The following STOX2 variants were observed in gnomAD, a reference collection of about 807,000 sequenced individuals.
STOX2 encodes the protein storkhead-box protein 2.
Under a neutral mutation model 60.9 loss-of-function variants are expected in STOX2, and 28 were observed. The ratio of observed to expected loss-of-function variants is 0.46; its 90% CI spans 0.34 to 0.63. STOX2 has a LOEUF of 0.63. Among genes scored for constraint, STOX2 ranks in the 30% least tolerant of loss-of-function variants. STOX2 has a pLI of 0.01. For missense variants in STOX2, 1,024 were observed against 1,187.7 expected (o/e 0.86, Z 2.03); for synonymous variants, 472 against 463.9 (o/e 1.02, Z -0.22).
chr4:183,973,713 A>AG, intron 1 of STOX2, among the ~76,000 whole-genome samples: 1 of 152,354 alleles, frequency 6.6e-6, no homozygotes, highest in Admixed American at 6.5e-5. Flanking sequence ...TATGTATAAT[A>AG]GGCCGGGCGC....
At chr4:183,968,334 G>A (rs1484935192) in intron 1 of STOX2, among the ~76,000 whole-genome samples, 9 of 123,084 alleles carry the variant, frequency 7.3e-5, no homozygotes, top group African/African-American at 2.0e-4. Context: ...ATGCACACAT[G>A]CATATACCTA....
intron 1 of STOX2, among the ~76,000 whole-genome samples, chr4:183,800,444 A>T (rs900491228): frequency 2.6e-5 from 4 of 152,214 alleles, no homozygotes; most frequent in Non-Finnish European, 4.4e-5. Context: ...GCTATCTTTG[A>T]TACTTTATTA....
At chr4:183,947,539 CT>C in intron 1 of STOX2, among the ~76,000 whole-genome samples, 1 of 152,324 alleles carries the variant, frequency 6.6e-6, no homozygotes, top group Non-Finnish European at 1.5e-5. Flanking sequence ...CTTTGTGCTT[CT>C]GTTTCCCTAG....
intron 1 of STOX2, among the ~76,000 whole-genome samples, chr4:183,802,693 C>T (rs1186277578): frequency 1.3e-5 from 2 of 151,930 alleles, no homozygotes; most frequent in African/African-American, 2.4e-5. Context: ...GCAAGCTCCG[C>T]CTCCCGGGTT....
At chr4:183,993,621 A>G (rs1436744555) in intron 1 of STOX2, among the ~76,000 whole-genome samples, 1 of 152,230 alleles carries the variant, frequency 6.6e-6, no homozygotes, top group Non-Finnish European at 1.5e-5. Context: ...TAAAGTTGTT[A>G]TAGAATCTCT....
intron 1 of STOX2, among the ~76,000 whole-genome samples, chr4:183,999,687 C>T (rs1460622451): frequency 1.3e-5 from 2 of 152,210 alleles, no homozygotes. Context: ...CCCGTACGTG[C>T]TGATCTTTGT....
At chr4:183,913,805 A>G (rs1741855247) in intron 1 of STOX2, among the ~76,000 whole-genome samples, 1 of 151,974 alleles carries the variant, frequency 6.6e-6, no homozygotes, top group Admixed American at 6.6e-5. Context: ...AACAAAACAA[A>G]CAAAAAAACT....
chr4:183,879,438 G>A (rs1424539543), intron 1 of STOX2, among the ~76,000 whole-genome samples: 1 of 152,208 alleles, frequency 6.6e-6, no homozygotes, highest in Non-Finnish European at 1.5e-5. Context: ...ATAGTTTCTC[G>A]GGTGTTTGTG....
chr4:183,890,772 G>T (rs780297131), intron 1 of STOX2, among the ~76,000 whole-genome samples: 2 of 152,136 alleles, frequency 1.3e-5, no homozygotes, highest in African/African-American at 2.4e-5. Flanking sequence ...TGAAAGAGTA[G>T]GAAGAGAAGC....
intron 1 of STOX2, among the ~76,000 whole-genome samples, chr4:183,840,909 C>T (rs1354074929): frequency 6.6e-6 from 1 of 152,280 alleles, no homozygotes; most frequent in East Asian, 1.9e-4. Flanking sequence ...ACTCTGTTGC[C>T]CAGGCTGGAG....
At chr4:183,810,157 G>A (rs927592700) in intron 1 of STOX2, among the ~76,000 whole-genome samples, 16 of 152,174 alleles carry the variant, frequency 1.1e-4, no homozygotes, top group African/African-American at 3.4e-4. Context: ...TGACCCTAAG[G>A]AGGAGTAGTG....
At chr4:183,951,382 A>G (rs538350642) in intron 1 of STOX2, among the ~76,000 whole-genome samples, 4 of 150,062 alleles carry the variant, frequency 2.7e-5, no homozygotes, top group African/African-American at 7.4e-5. Context: ...AGGGAAGTCC[A>G]TGTTGCTGCC....
chr4:183,961,880 T>G (rs778635263), intron 1 of STOX2, among the ~76,000 whole-genome samples: 1 of 152,264 alleles, frequency 6.6e-6, no homozygotes, highest in Non-Finnish European at 1.5e-5. Context: ...AGATGTTGAT[T>G]CTATCTCCTG....
chr4:183,955,507 T>C (rs895936274), intron 1 of STOX2, among the ~76,000 whole-genome samples: 1 of 152,178 alleles, frequency 6.6e-6, no homozygotes, highest in Non-Finnish European at 1.5e-5. Flanking sequence ...AGACTTAGCT[T>C]TGAGAGCGCC....
intron 1 of STOX2, among the ~76,000 whole-genome samples, chr4:183,985,950 C>G (rs1193707099): frequency 6.6e-6 from 1 of 152,052 alleles, no homozygotes; most frequent in Non-Finnish European, 1.5e-5. Context: ...GATTTATATC[C>G]AACAACACAG....
chr4:183,998,067 C>T (rs1011929361), intron 1 of STOX2, among the ~76,000 whole-genome samples: 3 of 152,178 alleles, frequency 2.0e-5, no homozygotes, highest in African/African-American at 7.2e-5. Context: ...CGAGTTTCCT[C>T]TTATGACCTA....
chr4:183,817,588 T>C (rs900397428), intron 1 of STOX2, among the ~76,000 whole-genome samples: 8 of 152,240 alleles, frequency 5.3e-5, no homozygotes, highest in Non-Finnish European at 1.2e-4. Context: ...TTATAGTTCA[T>C]GCATTTATAA....
intron 1 of STOX2, among the ~76,000 whole-genome samples, chr4:183,802,179 T>C (rs115572229): frequency 0.01 from 1,579 of 152,348 alleles, 31 homozygotes; most frequent in African/African-American, 0.036. Context: ...ACTTTCCCAT[T>C]TGATCCTCAC....
At chr4:183,913,510 C>T (rs1302501678) in intron 1 of STOX2, among the ~76,000 whole-genome samples, 7 of 152,018 alleles carry the variant, frequency 4.6e-5, no homozygotes, top group East Asian at 1.9e-4. Flanking sequence ...TGGTGGTTCG[C>T]GCCTATAATC....
Sources: gnomAD v4.1 joint callset for allele counts (sites outside exome capture counted in the v4.1 genomes callset) on GRCh38, gnomAD v4.1.1 for gene constraint, MANE v1.5 for transcripts, NCBI Gene and HGNC (gene_info 2026-07-23, HGNC 2026-07-21) for gene names.